DYSF: variants seen among roughly 807,000 people sequenced by gnomAD.
The protein encoded by DYSF is dysferlin, also known as dystrophy-associated fer-1-like 1.
DYSF carries 212 observed loss-of-function variants against 274.9 expected under a neutral mutation model. The observed-to-expected ratio is 0.77, with a 90% CI of 0.69 to 0.86. DYSF has a LOEUF of 0.86. Ranked by LOEUF, DYSF falls within the 40% of genes least tolerant of loss-of-function variation. The pLI, the probability that DYSF is intolerant of heterozygous loss-of-function variation, is 0.00. For missense variants in DYSF, 2,666 were observed against 2,783.2 expected (o/e 0.96, Z 0.95); for synonymous variants, 1,091 against 1,078.7 (o/e 1.01, Z -0.22).
At chr2:71,481,753 T>C in intron 2 of DYSF, 126 bp from the exon 3 acceptor site, 1 of 744,550 alleles carries the variant, frequency 1.3e-6, no homozygotes. Context: ...CATTGATCCA[T>C]CTGCCTATCC....
chr2:71,574,086 TG>T, intron 29 of DYSF, 111 bp from the exon 30 acceptor site: 3 of 1,353,970 alleles, frequency 2.2e-6, no homozygotes, highest in Non-Finnish European at 3.1e-6. Flanking sequence ...GGCACTAGTG[TG>T]GGAGCTGGTG....
rs566673703 is a variant in DYSF, at chr2:71,600,571, C to T, written c.3757-131C>T. ...GCTAAGGAGAGCAGAATTCACCATT[C>T]TGTGGGAGGGGGTGCCCTTACTACT... On this transcript the variant is annotated intron_variant, in intron 33 of 55. Coordinates refer to ENST00000410020, the MANE Select transcript of DYSF (RefSeq NM_001130987.2). 1.1e-5 allele frequency: 14 copies of T among 1,291,016 alleles called. No individual in the cohort carries two copies. In the East Asian group the frequency reaches 2.1e-4, roughly 19 times the overall value. The allele number at this position is 1,291,016 out of a possible 1,614,324, so 80.0% of individuals were successfully genotyped here.
At chr2:71,610,890 A>C in intron 36 of DYSF, 1 of 356,484 alleles carries the variant, frequency 2.8e-6, no homozygotes. Context: ...CCAGGATGGA[A>C]TAGGCAGTGT....
chr2:71,552,990 T>C, intron 19 of DYSF, 21 bp from the exon 20 acceptor site: 1 of 1,614,062 alleles, frequency 6.2e-7, no homozygotes, highest in East Asian at 2.2e-5. Flanking sequence ...CGTGACCCTC[T>C]GGTCTACTCT....
intron 1 of DYSF, among the ~76,000 whole-genome samples, chr2:71,476,940 G>A (rs956345535): frequency 6.6e-6 from 1 of 151,630 alleles, no homozygotes; most frequent in Non-Finnish European, 1.5e-5. Flanking sequence ...GAGTGAGCCT[G>A]CCATTTCAAG....
intron 51 of DYSF, among the ~76,000 whole-genome samples, chr2:71,672,512 G>C (rs1573121920): frequency 1.3e-5 from 2 of 152,148 alleles, no homozygotes; most frequent in African/African-American, 4.8e-5. Flanking sequence ...TGGTTGCCCC[G>C]GCCAGGCTCC....
intron 41 of DYSF, among the ~76,000 whole-genome samples, chr2:71,640,957 G>T (rs1438090523): frequency 6.6e-6 from 1 of 151,858 alleles, no homozygotes; most frequent in Non-Finnish European, 1.5e-5. Context: ...TAAGGTTATT[G>T]ATCTCTTCAT....
chr2:71,559,789 T>G (rs928766697), intron 22 of DYSF, among the ~76,000 whole-genome samples: 4 of 152,226 alleles, frequency 2.6e-5, no homozygotes, highest in African/African-American at 9.6e-5. Context: ...GGGATCTGTT[T>G]GCGTCTCTGT....
At chr2:71,482,574 G>A (rs1166780280) in intron 3 of DYSF, among the ~76,000 whole-genome samples, 1 of 152,126 alleles carries the variant, frequency 6.6e-6, no homozygotes, top group African/African-American at 2.4e-5. Flanking sequence ...GGTGGCAAAA[G>A]CAGGCTCCCC....
In DYSF at chr2:71,553,850, G is replaced by A. The variant is rs2091143475; in HGVS notation, c.2028G>A (p.Val676=). The A allele has an allele frequency of 1.2e-6, 2 of 1,613,736 alleles. No individual in the cohort carries two copies. The highest frequency in any genetic ancestry group is 1.3e-5 in the African/African-American group (1 of 74,916). ...TACCCTGGGGTAACGTGAAACCTGT[G>A]GTGGTGCTGTCATCCTACTGGGAGG... ...YYLPWGNVKP[V]VVLSSYWEDI... Residue 676 remains valine, a synonymous_variant, in exon 21 of 56, where the codon GTG becomes GTA. Transcript: ENST00000410020.
At chr2:71,462,699 C>T (rs574478174), upstream of DYSF, among the ~76,000 whole-genome samples, 6 of 152,276 alleles carry the variant, frequency 3.9e-5, no homozygotes, top group South Asian at 1.2e-3. Context: ...GCAGGCAGGT[C>T]CTCCTGATAA....
At chr2:71,556,205 T>TGAGTCCAAAGGTGGTGGAGCCAGTGCAG (rs2091328336) in intron 22 of DYSF, 134 bp downstream of exon 22, 1 of 750,960 alleles carries the variant, frequency 1.3e-6, no homozygotes, top group Non-Finnish European at 2.3e-6. Flanking sequence ...CAGCCCGTGC[T>TGAGTCCAAAGGTGGTGGAGCCAGTGCAG]GAGTCCAAAG....
At chr2:71,560,416 G>C (rs372729782) in intron 22 of DYSF, among the ~76,000 whole-genome samples, 41 of 22,536 alleles carry the variant, frequency 1.8e-3, no homozygotes, top group Admixed American at 7.4e-3. Flanking sequence ...TTCCCAGGCA[G>C]GCCCCCGCCC....
chr2:71,572,259 A>C (rs1195884621), intron 29 of DYSF, among the ~76,000 whole-genome samples: 1 of 65,170 alleles, frequency 1.5e-5, no homozygotes, highest in Non-Finnish European at 2.9e-5. Context: ...GCACACCCAC[A>C]GATCACAACC....
At position 71,480,923 on chromosome 2, in the gene DYSF, C is replaced by T. The variant is rs772240035; in HGVS notation, c.132C>T (p.Asn44=). The T allele has an allele frequency of 6.2e-7, 1 of 1,614,126 alleles. No individual in the cohort carries two copies. Among genetic ancestry groups the T allele is most frequent in the Non-Finnish European group, 8.5e-7 (1 of 1,179,968 alleles). The change falls in exon 2 of 56, where the codon AAC becomes AAT. Residue 44 remains asparagine (N), a synonymous_variant. Coordinates refer to ENST00000410020, the MANE Select transcript of DYSF (RefSeq NM_001130987.2). The part of the protein sequence containing the change: ...KRTKVIKNSV[N]PVWNEGFEWD... ...CCAAAGTCATCAAGAACAGCGTGAA[C>T]CCTGTATGGAATGAGGTATGTGAGT...
intron 22 of DYSF, among the ~76,000 whole-genome samples, chr2:71,557,990 C>A (rs540623454): frequency 1.2e-4 from 18 of 151,950 alleles, no homozygotes; most frequent in African/African-American, 3.9e-4. Flanking sequence ...TGAGATTGTG[C>A]CCCTACACTC....
At chr2:71,649,844 T>C (rs1558724842) in intron 42 of DYSF, among the ~76,000 whole-genome samples, 1 of 152,186 alleles carries the variant, frequency 6.6e-6, no homozygotes, top group East Asian at 1.9e-4. Flanking sequence ...CAGAGCAAAA[T>C]CTAACTCTCA....
rs751137258 is a variant in DYSF at position 71,668,803 on chromosome 2, C to A, written c.5507C>A (p.Pro1836His). The change falls in exon 49 of 56, where the codon CCT becomes CAT. Residue 1836 changes from proline (P) to histidine (H), a missense_variant. By Grantham distance (77) the Pro-to-His change is moderately conservative. Coordinates refer to ENST00000410020, the MANE Select transcript of DYSF (RefSeq NM_001130987.2). ...CTATTTCCGAAGGCCCTGGGGCGGCCTGGACCTCCCTTCAACATCACCCCA... is the reference window on the plus strand; with the variant it reads ...CTATTTCCGAAGGCCCTGGGGCGGCATGGACCTCCCTTCAACATCACCCCA... ...VDLFPKALGR[P>H]GPPFNITPRR... 2.5e-6 allele frequency: 4 copies of A among 1,613,950 alleles called. No homozygotes were observed. The Admixed American group carries it at 6.7e-5, about 27-fold the overall frequency.
intron 41 of DYSF, among the ~76,000 whole-genome samples, chr2:71,634,441 G>A (rs926917106): frequency 2.0e-5 from 3 of 152,122 alleles, no homozygotes; most frequent in South Asian, 2.1e-4. Flanking sequence ...CCTGTTTTTT[G>A]TGGGGCTCTT....
Sources: gnomAD v4.1 joint callset for allele counts (sites outside exome capture counted in the v4.1 genomes callset) on GRCh38, gnomAD v4.1.1 for gene constraint, MANE v1.5 for transcripts, NCBI Gene and HGNC (gene_info 2026-07-23, HGNC 2026-07-21) for gene names.